The following SIK2 variants were observed in gnomAD, a reference collection of about 807,000 sequenced individuals.
The protein encoded by SIK2 is salt inducible kinase 2, also known as serine/threonine-protein kinase SIK2.
In SIK2, 29 loss-of-function variants were observed where a neutral mutation model predicts 103.2. The ratio of observed to expected loss-of-function variants is 0.28; its 90% CI spans 0.21 to 0.38. The LOEUF is 0.38. SIK2 is among the 10% of genes least tolerant of loss of function. The probability of loss-of-function intolerance (pLI) is 1.00; values close to 1 mark genes in which losing one functional copy is unlikely to be tolerated. For synonymous variants in SIK2, 412 were observed against 446.1 expected, an observed-to-expected ratio of 0.92 and a Z score of 0.96; for missense variants, 879 against 1,171.0, an observed-to-expected ratio of 0.75 and a Z score of 3.64.
At chr11:111,621,833 G>C (rs1258872852) in intron 3 of SIK2, among the ~76,000 whole-genome samples, 1 of 151,880 alleles carries the variant, frequency 6.6e-6, no homozygotes, top group African/African-American at 2.4e-5. Context: ...AGAGTCACTT[G>C]AACTCGGAGG....
chr11:111,644,338 G>A (rs562290005), intron 3 of SIK2, among the ~76,000 whole-genome samples: 46 of 149,320 alleles, frequency 3.1e-4, no homozygotes, highest in Admixed American at 6.0e-4. Context: ...AGAGAAATCC[G>A]AAATCCTTAT....
rs143668056 is a variant in SIK2 at position 111,727,070 on chromosome 11, C to T, written c.*2941C>T. ...GATACACTGGTCCCTGTAAGGCAAA[C>T]AGCATGTTAGCCCGACAGGAAGAGG... On this transcript the variant is annotated 3_prime_UTR_variant, in exon 15 of 15. Coordinates refer to ENST00000304987, the MANE Select transcript of SIK2 (RefSeq NM_015191.3). 10 of 1,610,920 alleles carry T rather than the reference C, an allele frequency of 6.2e-6. No homozygotes were observed. The East Asian group carries it at 2.2e-4, about 36-fold the overall frequency.
chr11:111,655,736 C>T (rs553888774), intron 3 of SIK2, among the ~76,000 whole-genome samples: 8 of 152,266 alleles, frequency 5.3e-5, no homozygotes, highest in African/African-American at 1.9e-4. Flanking sequence ...TGCTTTCTTG[C>T]TATTTTACAA....
At chr11:111,644,922 C>G (rs1234711012) in intron 3 of SIK2, among the ~76,000 whole-genome samples, 2 of 152,142 alleles carry the variant, frequency 1.3e-5, no homozygotes. Flanking sequence ...ATTTATTCTT[C>G]TAGTAATTCA....
At chr11:111,679,281 C>T (rs1942746826) in intron 3 of SIK2, among the ~76,000 whole-genome samples, 1 of 152,076 alleles carries the variant, frequency 6.6e-6, no homozygotes, top group Non-Finnish European at 1.5e-5. Context: ...TTGTAAATAA[C>T]CTTGAAAACT....
intron 12 of SIK2, 104 bp from the exon 13 acceptor site, chr11:111,721,726 G>A: frequency 1.3e-6 from 1 of 746,950 alleles, no homozygotes; most frequent in Non-Finnish European, 2.1e-6. Context: ...AAGTCTCAGT[G>A]GAGTTGGTAT....
chr11:111,627,537 G>C lies in SIK2; in HGVS notation c.316+7135G>C, dbSNP rs1304557399. ...TCTGCAGTTTCAGGCATCCACTGGA[G>C]GTCTTAGAACACAGCCCCTGCAGAT... On this transcript the variant is annotated intron_variant, in intron 3 of 14. Transcript: ENST00000304987. Among the ~76,000 whole-genome samples, 6 of 152,236 alleles carry C rather than the reference G, an allele frequency of 3.9e-5. No homozygotes were observed. In the South Asian group the frequency reaches 1.0e-3, roughly 26 times the overall value.
intron 9 of SIK2, among the ~76,000 whole-genome samples, chr11:111,719,039 C>T (rs1475656368): frequency 6.6e-6 from 1 of 152,162 alleles, no homozygotes; most frequent in Non-Finnish European, 1.5e-5. Context: ...TAGGAACCAT[C>T]GATAACGTAT....
Position 111,722,815 on chromosome 11 carries a change from T to A in SIK2, c.2147+59T>A. ...CCTTTTCTGGAAGCCTTGAGAACAC[T>A]GAATGTGTTGTCCTTTTCCTCTCAC... is the stretch of plus-strand genomic sequence containing the variant. On this transcript the variant is annotated intron_variant, in intron 14 of 14. Transcript: ENST00000304987. This position sits in a 1 kb window ranked among gnomAD's most constrained non-coding sequence, Gnocchi z 4.4. 1 of 1,468,150 alleles carries A rather than the reference T, an allele frequency of 6.8e-7. No homozygotes were observed. Among genetic ancestry groups the A allele is most frequent in the Non-Finnish European group, 9.5e-7 (1 of 1,054,306 alleles). The allele number at this position is 1,468,150 out of a possible 1,614,324, so 90.9% of individuals were successfully genotyped here. A position where few individuals can be genotyped will look rare whatever the true frequency, so the allele number is the denominator to read the frequency against.
chr11:111,647,633 A>G (rs1340027475), intron 3 of SIK2, among the ~76,000 whole-genome samples: 1 of 148,772 alleles, frequency 6.7e-6, no homozygotes, highest in Non-Finnish European at 1.5e-5. Flanking sequence ...TGGGAGGCTG[A>G]GGCAGGTAGA....
intron 8 of SIK2, among the ~76,000 whole-genome samples, chr11:111,710,548 AC>A (rs1943467589): frequency 1.3e-5 from 2 of 152,240 alleles, no homozygotes; most frequent in Admixed American, 6.5e-5. Flanking sequence ...CTAACTAGGA[AC>A]CGTTAGTATT....
chr11:111,717,228 A>C (rs572897588), intron 9 of SIK2, among the ~76,000 whole-genome samples: 1 of 137,180 alleles, frequency 7.3e-6, no homozygotes, highest in South Asian at 2.6e-4. Context: ...AGGCAGGAGA[A>C]TGGCGTGAAC....
chr11:111,613,189 T>A (rs1941753213), intron 1 of SIK2, among the ~76,000 whole-genome samples: 2 of 152,116 alleles, frequency 1.3e-5, no homozygotes, highest in Non-Finnish European at 1.5e-5. Context: ...AATACCTTGC[T>A]TTAATTGATA....
At chr11:111,615,401 T>C in intron 1 of SIK2, among the ~76,000 whole-genome samples, 1 of 151,770 alleles carries the variant, frequency 6.6e-6, no homozygotes, top group East Asian at 1.9e-4. Flanking sequence ...TTTTCAAAAC[T>C]GATAATTAAA....
chr11:111,720,540 G>C lies in SIK2; in HGVS notation c.1558G>C (p.Gly520Arg). 6.2e-7 allele frequency: 1 copy of C among 1,613,964 alleles called. No homozygotes were observed. The highest frequency in any genetic ancestry group is 8.5e-7 in the Non-Finnish European group (1 of 1,179,966). Reference sequence around the variant, plus strand: ...CAGTGTGGACTCTGAGTATGATATGGGGTCTGTTCAGAGGGACCTGAACTT... The same window carrying C: ...CAGTGTGGACTCTGAGTATGATATGCGGTCTGTTCAGAGGGACCTGAACTT... ...LDSVDSEYDM[G>R]SVQRDLNFLE... Residue 520 changes from glycine to arginine, a missense_variant, in exon 11 of 15, where the codon GGG (glycine) becomes CGG (arginine). Gly to Arg is a moderately radical substitution (Grantham distance 125). Around this residue, in one of 7 missense-constraint regions of SIK2, gnomAD observed 222 missense variants for 258.0 expected, o/e 0.86. Coordinates refer to ENST00000304987, the MANE Select transcript of SIK2 (RefSeq NM_015191.3).
chr11:111,623,586 G>A (rs1348722931), intron 3 of SIK2, among the ~76,000 whole-genome samples: 1 of 152,230 alleles, frequency 6.6e-6, no homozygotes, highest in Non-Finnish European at 1.5e-5. Context: ...TGCTCAGTCT[G>A]GGTCTAGTTA....
intron 3 of SIK2, among the ~76,000 whole-genome samples, chr11:111,679,449 A>G (rs1942749196): frequency 1.3e-5 from 2 of 152,230 alleles, no homozygotes. Flanking sequence ...ACAAGCAACA[A>G]TTTCCTTAAT....
rs67675103 is a variant in SIK2 at position 111,612,915 on chromosome 11, G to GATATAT, written c.136-3301_136-3296dup. ...CCTTAGAAACAAGGGATAGCAATGG[G>GATATAT]ATATATATATATATATATATATATA... On this transcript the variant is annotated intron_variant, in intron 1 of 14. Coordinates refer to ENST00000304987, the MANE Select transcript of SIK2 (RefSeq NM_015191.3). Among the ~76,000 whole-genome samples, 353 of 49,894 alleles carry GATATAT rather than the reference G, an allele frequency of 7.1e-3. 9 individuals carry two copies. Among genetic ancestry groups the GATATAT allele is most frequent in the African/African-American group, 0.016 (245 of 15,762 alleles). The allele number at this position is 49,894 out of a possible 152,430, so 32.7% of individuals were successfully genotyped here.
intron 2 of SIK2, among the ~76,000 whole-genome samples, chr11:111,617,462 G>GTT (rs1302829837): frequency 1.3e-5 from 2 of 152,138 alleles, no homozygotes; most frequent in Non-Finnish European, 2.9e-5. Flanking sequence ...TGGTATGCTG[G>GTT]ACTCCGCCTG....
Sources: gnomAD v4.1 joint callset for allele counts (sites outside exome capture counted in the v4.1 genomes callset) on GRCh38, gnomAD v4.1.1 for gene constraint, gnomAD v4.1.1 regional missense constraint, Gnocchi (gnomAD v3.1) non-coding constraint, MANE v1.5 for transcripts, NCBI Gene and HGNC (gene_info 2026-07-23, HGNC 2026-07-21) for gene names.